The following RSPO3 variants were observed in gnomAD, a reference collection of about 807,000 sequenced individuals.
RSPO3 encodes R-spondin 3.
RSPO3 carries 17 observed loss-of-function variants against 36.5 expected under a neutral mutation model. The ratio of observed to expected loss-of-function variants is 0.47; its 90% CI spans 0.32 to 0.70. RSPO3 has a LOEUF of 0.70. Among genes scored for constraint, RSPO3 ranks in the 30% least tolerant of loss-of-function variants. The pLI is 0.04. For synonymous variants in RSPO3, 108 were observed against 107.0 expected, an observed-to-expected ratio of 1.01 and a Z score of -0.06; for missense variants, 294 against 322.5, an observed-to-expected ratio of 0.91 and a Z score of 0.68.
At chr6:127,128,230 T>C (rs953462585) in intron 1 of RSPO3, among the ~76,000 whole-genome samples, 1 of 152,080 alleles carries the variant, frequency 6.6e-6, no homozygotes, top group Admixed American at 6.6e-5. Flanking sequence ...GTCTGTTATT[T>C]ATATTACTTT....
At chr6:127,131,550 C>T (rs991125605) in intron 1 of RSPO3, among the ~76,000 whole-genome samples, 6 of 152,078 alleles carry the variant, frequency 3.9e-5, no homozygotes, top group African/African-American at 1.4e-4. Flanking sequence ...AGGATATTTT[C>T]GTCACCCTTC....
intron 4 of RSPO3, among the ~76,000 whole-genome samples, chr6:127,182,799 T>C (rs1388823330): frequency 6.6e-6 from 1 of 151,990 alleles, no homozygotes; most frequent in Admixed American, 6.6e-5. Context: ...CTTCTGAGAC[T>C]GTGTAGTGCC....
intron 1 of RSPO3, among the ~76,000 whole-genome samples, chr6:127,125,854 T>C (rs192648056): frequency 6.6e-6 from 1 of 152,222 alleles, no homozygotes; most frequent in African/African-American, 2.4e-5. Flanking sequence ...AAGGGTCACT[T>C]CAGAGCTTCC....
At chr6:127,193,883 A>T (rs1255081008) in intron 4 of RSPO3, among the ~76,000 whole-genome samples, 3 of 152,220 alleles carry the variant, frequency 2.0e-5, no homozygotes, top group Non-Finnish European at 2.9e-5. Flanking sequence ...TAATCAGAAT[A>T]TAAGTAGTTC....
intron 2 of RSPO3, among the ~76,000 whole-genome samples, chr6:127,149,435 A>G (rs1774447166): frequency 6.6e-6 from 1 of 151,962 alleles, no homozygotes; most frequent in African/African-American, 2.4e-5. Context: ...TTCTCATAAG[A>G]TCTTCCCACC....
intron 4 of RSPO3, among the ~76,000 whole-genome samples, chr6:127,195,181 T>G (rs1775489756): frequency 1.3e-5 from 2 of 152,190 alleles, no homozygotes; most frequent in Admixed American, 1.3e-4. Flanking sequence ...CTCCTTTTTT[T>G]TTGGAGATAG....
At chr6:127,190,384 C>A (rs537721465) in intron 4 of RSPO3, among the ~76,000 whole-genome samples, 5 of 152,162 alleles carry the variant, frequency 3.3e-5, no homozygotes, top group African/African-American at 1.2e-4. Flanking sequence ...GCCAGGACTG[C>A]GCCATTGCAG....
chr6:127,156,138 C>G (rs748030058), intron 4 of RSPO3, among the ~76,000 whole-genome samples: 1 of 152,092 alleles, frequency 6.6e-6, no homozygotes, highest in East Asian at 1.9e-4. Flanking sequence ...AAATCATTAA[C>G]GACATTTGTC....
In RSPO3 at chr6:127,149,360, T is replaced by C. The variant is rs1299082295; in HGVS notation, c.289+521T>C. ...AATACCACTCTATTCAAATACCATA[T>C]GTAGTTCCTCCAAACTCATCTCCTA... is the stretch of plus-strand genomic sequence containing the variant. On this transcript the variant is annotated intron_variant, in intron 2 of 4. Transcript: ENST00000356698. Among the ~76,000 whole-genome samples, 4 of 152,112 alleles carry C rather than the reference T, an allele frequency of 2.6e-5. No individual in the cohort carries two copies. In the East Asian group the frequency reaches 5.8e-4, roughly 22 times the overall value.
intron 1 of RSPO3, among the ~76,000 whole-genome samples, chr6:127,135,819 G>A (rs1250957679): frequency 6.6e-6 from 1 of 151,716 alleles, no homozygotes; most frequent in African/African-American, 2.4e-5. Context: ...CTCAGCTACT[G>A]TGGGGGCTGA....
At position 127,187,325 on chromosome 6, in the gene RSPO3, TA is replaced by T. The variant is rs1418103201; in HGVS notation, c.635-8494del. Among the ~76,000 whole-genome samples the T allele has an allele frequency of 1.2e-4, 19 of 152,242 alleles. No individual in the cohort carries two copies. In the East Asian group the frequency reaches 3.7e-3, roughly 29 times the overall value. ...TGACTAAATTTCTGAAGATAGGTAA[TA>T]AAATTCCCATATTATAAGCTCATAA... On this transcript the variant is annotated intron_variant, in intron 4 of 4. Coordinates refer to ENST00000356698, the MANE Select transcript of RSPO3 (RefSeq NM_032784.5).
chr6:127,132,416 G>C lies in RSPO3; in HGVS notation c.97+13127G>C, dbSNP rs117897657. Among the ~76,000 whole-genome samples the C allele has an allele frequency of 3.4e-4, 52 of 152,072 alleles. No homozygotes were observed. The East Asian group carries it at 9.5e-3, about 28-fold the overall frequency. On this transcript the variant is annotated intron_variant, in intron 1 of 4. Coordinates refer to ENST00000356698, the MANE Select transcript of RSPO3 (RefSeq NM_032784.5). ...TTCTAAGTTATCTCTATACAGATTAGTTTTTTTAATGTGCACAGGATATAA... is the reference window on the plus strand; with the variant it reads ...TTCTAAGTTATCTCTATACAGATTACTTTTTTTAATGTGCACAGGATATAA...
At chr6:127,174,429 T>C (rs1313234383) in intron 4 of RSPO3, among the ~76,000 whole-genome samples, 3 of 151,938 alleles carry the variant, frequency 2.0e-5, no homozygotes, top group Non-Finnish European at 1.5e-5. Flanking sequence ...AGCATAATTT[T>C]GAAATGGTGG....
chr6:127,133,430 T>C (rs921593058), intron 1 of RSPO3, among the ~76,000 whole-genome samples: 1 of 152,136 alleles, frequency 6.6e-6, no homozygotes, highest in Non-Finnish European at 1.5e-5. Context: ...GATTTTAATT[T>C]ATATATTGCT....
intron 4 of RSPO3, among the ~76,000 whole-genome samples, chr6:127,176,199 T>C (rs1435993026): frequency 6.6e-6 from 1 of 151,764 alleles, no homozygotes; most frequent in African/African-American, 2.4e-5. Flanking sequence ...AATATAGATT[T>C]ATGAGATACT....
At chr6:127,168,477 T>A (rs1256752236) in intron 4 of RSPO3, among the ~76,000 whole-genome samples, 9 of 152,030 alleles carry the variant, frequency 5.9e-5, no homozygotes, top group Non-Finnish European at 2.9e-5. Flanking sequence ...AATTTATTTA[T>A]GTTCTTTGTA....
At chr6:127,178,589 A>AAC (rs768903334) in intron 4 of RSPO3, among the ~76,000 whole-genome samples, 2 of 151,756 alleles carry the variant, frequency 1.3e-5, no homozygotes, top group South Asian at 4.1e-4. Context: ...TACACACACA[A>AAC]ACACACACAT....
rs1041453753 is a variant in RSPO3, at chr6:127,143,481, T to C, written c.98-5167T>C. ...AAGTATGCTTTGGAGAGATTTTATA[T>C]ATGATGTTTTTATTGTTGTTAAAAA... On this transcript the variant is annotated intron_variant, in intron 1 of 4. Coordinates refer to ENST00000356698, the MANE Select transcript of RSPO3 (RefSeq NM_032784.5). 2.6e-5 allele frequency among the ~76,000 whole-genome samples: 4 copies of C among 152,210 alleles called. No individual in the cohort carries two copies. The South Asian group carries it at 8.3e-4, about 31-fold the overall frequency.
At chr6:127,147,550 A>C (rs1311626778) in intron 1 of RSPO3, among the ~76,000 whole-genome samples, 2 of 152,166 alleles carry the variant, frequency 1.3e-5, no homozygotes, top group Non-Finnish European at 2.9e-5. Context: ...AAATCATCCT[A>C]AACACCAGCT....
Sources: gnomAD v4.1 joint callset for allele counts (sites outside exome capture counted in the v4.1 genomes callset) on GRCh38, gnomAD v4.1.1 for gene constraint, MANE v1.5 for transcripts, NCBI Gene and HGNC (gene_info 2026-07-23, HGNC 2026-07-21) for gene names.